MEMO1: variants seen among roughly 807,000 people sequenced by gnomAD.
The protein encoded by MEMO1 is mediator of cell motility 1, also known as protein MEMO1.
MEMO1 carries 6 observed loss-of-function variants against 45.2 expected under a neutral mutation model. The observed-to-expected ratio is 0.13, with a 90% confidence interval of 0.07 to 0.26. The LOEUF is 0.26. Among genes scored for constraint, MEMO1 ranks in the 10% least tolerant of loss-of-function variants. The pLI is 1.00. For missense variants in MEMO1, 184 were observed against 370.5 expected (o/e 0.50, Z 4.13); for synonymous variants, 78 against 124.3 (o/e 0.63, Z 2.48).
intron 2 of MEMO1, among the ~76,000 whole-genome samples, chr2:31,944,607 A>G (rs1007767908): frequency 2.0e-5 from 3 of 152,150 alleles, no homozygotes; most frequent in Non-Finnish European, 4.4e-5. Context: ...ACTGGATCCC[A>G]TTATTTTTTT....
intron 2 of MEMO1, among the ~76,000 whole-genome samples, chr2:32,001,958 C>G (rs1213107701): frequency 6.6e-6 from 1 of 151,412 alleles, no homozygotes; most frequent in East Asian, 1.9e-4. Context: ...CCATCCTGAC[C>G]AACATGGTGA....
intron 2 of MEMO1, among the ~76,000 whole-genome samples, chr2:31,994,544 T>C (rs1365996088): frequency 1.3e-5 from 2 of 150,706 alleles, no homozygotes; most frequent in Admixed American, 6.6e-5. Context: ...GCACAAGACA[T>C]CACTTGAACC....
intron 5 of MEMO1, among the ~76,000 whole-genome samples, chr2:31,918,617 G>T (rs1681830801): frequency 6.6e-6 from 1 of 152,130 alleles, no homozygotes; most frequent in Non-Finnish European, 1.5e-5. Context: ...TAAGCTTGTA[G>T]GATGGATCAA....
At chr2:31,933,353 ATATATATATAT>A (rs1664512041) in intron 3 of MEMO1, among the ~76,000 whole-genome samples, 1 of 16,494 alleles carries the variant, frequency 6.1e-5, no homozygotes, top group African/African-American at 2.5e-4. Context: ...AAAAAAATTT[ATATATATATAT>A]ATATATATAT....
At chr2:31,990,571 CTT>C (rs34456440) in intron 2 of MEMO1, among the ~76,000 whole-genome samples, 4 of 119,980 alleles carry the variant, frequency 3.3e-5, no homozygotes, top group Admixed American at 8.5e-5. Context: ...AATTTTTTTT[CTT>C]TTTTTTTTTT....
At chr2:31,914,896 A>T (rs1188123256) in intron 6 of MEMO1, among the ~76,000 whole-genome samples, 1 of 151,472 alleles carries the variant, frequency 6.6e-6, no homozygotes, top group East Asian at 1.9e-4. Context: ...GTTCAAGGCT[A>T]CAGTGAGTTA....
intron 2 of MEMO1, among the ~76,000 whole-genome samples, chr2:31,953,281 C>T (rs1482864794): frequency 1.3e-5 from 2 of 148,284 alleles, no homozygotes; most frequent in African/African-American, 2.5e-5. Flanking sequence ...GCGGGAGAAT[C>T]GCTGGAACCC....
intron 6 of MEMO1, among the ~76,000 whole-genome samples, chr2:31,914,438 G>C (rs1489229182): frequency 6.6e-6 from 1 of 152,114 alleles, no homozygotes; most frequent in Non-Finnish European, 1.5e-5. Flanking sequence ...TAGCACAACA[G>C]GGTGACTATA....
At chr2:31,920,446 T>C (rs540554802) in intron 5 of MEMO1, among the ~76,000 whole-genome samples, 1 of 152,226 alleles carries the variant, frequency 6.6e-6, no homozygotes, top group Non-Finnish European at 1.5e-5. Context: ...AAAAGTGGCG[T>C]TACATGGAAG....
intron 6 of MEMO1, among the ~76,000 whole-genome samples, chr2:31,914,750 T>C (rs1333992659): frequency 6.8e-6 from 1 of 148,020 alleles, no homozygotes; most frequent in East Asian, 2.0e-4. Context: ...GACCAGGAGG[T>C]CAAGATCAGC....
intron 2 of MEMO1, among the ~76,000 whole-genome samples, chr2:32,006,940 G>A (rs1674157544): frequency 7.1e-6 from 1 of 141,152 alleles, no homozygotes. Flanking sequence ...ACTCCACCCT[G>A]GGCAACACAG....
intron 2 of MEMO1, among the ~76,000 whole-genome samples, chr2:32,008,367 C>T (rs1674359912): frequency 6.6e-6 from 1 of 152,214 alleles, no homozygotes; most frequent in Non-Finnish European, 1.5e-5. Flanking sequence ...GGGAGGATCA[C>T]GAAGTCGGGA....
chr2:31,999,421 G>A (rs1672994754), intron 2 of MEMO1, among the ~76,000 whole-genome samples: 1 of 152,124 alleles, frequency 6.6e-6, no homozygotes, highest in Non-Finnish European at 1.5e-5. Context: ...CCAGCACTCT[G>A]GGAGGCTGAG....
intron 7 of MEMO1, among the ~76,000 whole-genome samples, chr2:31,889,168 C>A (rs1041921518): frequency 6.6e-6 from 1 of 152,030 alleles, no homozygotes; most frequent in Non-Finnish European, 1.5e-5. Context: ...TAGAAATGAA[C>A]AGTGTAGTCA....
intron 2 of MEMO1, among the ~76,000 whole-genome samples, chr2:31,980,062 AG>A (rs1306821179): frequency 6.6e-6 from 1 of 152,138 alleles, no homozygotes; most frequent in Admixed American, 6.6e-5. Context: ...ATCTAAAAAC[AG>A]TACTTTTAAA....
chr2:31,971,231 CACCCAGAAAA>C (rs1669357196), intron 2 of MEMO1, among the ~76,000 whole-genome samples: 1 of 152,086 alleles, frequency 6.6e-6, no homozygotes, highest in East Asian at 1.9e-4. Flanking sequence ...TAGGCACAGT[CACCCAGAAAA>C]ATGTAAGCAT....
intron 4 of MEMO1, among the ~76,000 whole-genome samples, 160 bp downstream of exon 4, chr2:31,931,907 T>C (rs148555658): frequency 2.0e-5 from 3 of 152,140 alleles, no homozygotes; most frequent in African/African-American, 7.2e-5. Flanking sequence ...AGTATTGAAG[T>C]TTTCAGTAAC....
intron 2 of MEMO1, among the ~76,000 whole-genome samples, chr2:31,967,726 T>C (rs1389842877): frequency 6.6e-6 from 1 of 152,178 alleles, no homozygotes; most frequent in Non-Finnish European, 1.5e-5. Context: ...CAACAGGGCA[T>C]GAGCCACCAT....
intron 6 of MEMO1, among the ~76,000 whole-genome samples, chr2:31,893,862 A>G (rs1677319177): frequency 1.3e-5 from 2 of 152,208 alleles, no homozygotes; most frequent in African/African-American, 4.8e-5. Flanking sequence ...TCTATCTGTA[A>G]GGAGGTATAA....
Sources: gnomAD v4.1 joint callset for allele counts (sites outside exome capture counted in the v4.1 genomes callset) on GRCh38, gnomAD v4.1.1 for gene constraint, MANE v1.5 for transcripts, NCBI Gene and HGNC (gene_info 2026-07-23, HGNC 2026-07-21) for gene names.